Variants in CDH13 observed in about 807,000 individuals in gnomAD.
CDH13 encodes cadherin 13, also known as cadherin-13.
CDH13 carries 24 observed loss-of-function variants against 63.8 expected under a neutral mutation model. The ratio of observed to expected loss-of-function variants is 0.38; its 90% CI spans 0.27 to 0.53. The LOEUF (loss-of-function observed/expected upper bound fraction) is 0.53. Ranked by LOEUF, CDH13 falls within the 20% of genes least tolerant of loss-of-function variation. The pLI is 0.85. For missense variants in CDH13, 1,049 were observed against 903.1 expected (o/e 1.16, Z -2.07); for synonymous variants, 503 against 355.3 (o/e 1.42, Z -4.67).
chr16:83,567,172 C>G (rs1443502734), intron 7 of CDH13, among the ~76,000 whole-genome samples: 1 of 152,254 alleles, frequency 6.6e-6, no homozygotes, highest in African/African-American at 2.4e-5. Flanking sequence ...TTAGCTGCCA[C>G]TCTTCTGGGC....
At chr16:83,040,608 C>T (rs1002940217) in intron 3 of CDH13, among the ~76,000 whole-genome samples, 1 of 152,198 alleles carries the variant, frequency 6.6e-6, no homozygotes, top group Admixed American at 6.5e-5. Context: ...TTTATGCTGG[C>T]AGCTGATTAG....
At chr16:83,307,839 T>C (rs914202555) in intron 5 of CDH13, among the ~76,000 whole-genome samples, 2 of 152,220 alleles carry the variant, frequency 1.3e-5, no homozygotes, top group African/African-American at 4.8e-5. Flanking sequence ...GGAGTAATTA[T>C]TTGCCGGTAA....
chr16:83,026,228 T>G (rs930441644), intron 2 of CDH13, among the ~76,000 whole-genome samples: 1 of 152,222 alleles, frequency 6.6e-6, no homozygotes, highest in African/African-American at 2.4e-5. Context: ...GGGGGCCATG[T>G]TGGGGCAACT....
At chr16:83,001,038 A>C (rs771791281) in intron 2 of CDH13, among the ~76,000 whole-genome samples, 8 of 152,174 alleles carry the variant, frequency 5.3e-5, no homozygotes, top group Non-Finnish European at 8.8e-5. Flanking sequence ...CTCCTGAAAA[A>C]CACATAGAGC....
chr16:82,665,876 T>C lies in CDH13; in HGVS notation c.45+38739T>C, dbSNP rs150777722. Among the ~76,000 whole-genome samples the C allele has an allele frequency of 4.8e-3, 738 of 152,260 alleles. 6 individuals carry two copies. Among genetic ancestry groups the C allele is most frequent in the Non-Finnish European group, 5.7e-3 (388 of 68,006 alleles). On this transcript the variant is annotated intron_variant, in intron 1 of 13. Transcript: ENST00000567109. ...CAAAGCCCATTTTATAATGAAGTGT[T>C]GACTGTCTCATATAAGAGTATTGTA...
chr16:82,713,246 T>G (rs2032093976), intron 1 of CDH13, among the ~76,000 whole-genome samples: 1 of 152,146 alleles, frequency 6.6e-6, no homozygotes, highest in South Asian at 2.1e-4. Flanking sequence ...AAAGCAGGGT[T>G]CCTGGGTATG....
intron 3 of CDH13, among the ~76,000 whole-genome samples, chr16:83,039,556 C>T (rs151223734): frequency 2.4e-4 from 37 of 152,264 alleles, no homozygotes; most frequent in African/African-American, 8.7e-4. Flanking sequence ...TTAATGTCCG[C>T]CTTGGATGAA....
intron 6 of CDH13, among the ~76,000 whole-genome samples, chr16:83,359,581 T>C (rs2091123117): frequency 6.6e-6 from 1 of 152,184 alleles, no homozygotes; most frequent in Non-Finnish European, 1.5e-5. Flanking sequence ...CTCTACTGAA[T>C]TGGTGATAAT....
chr16:83,265,674 C>T (rs1438838208), intron 5 of CDH13, among the ~76,000 whole-genome samples: 2 of 144,866 alleles, frequency 1.4e-5, no homozygotes, highest in Admixed American at 6.9e-5. Context: ...ATATCATTTA[C>T]AGGTGTTTGG....
intron 2 of CDH13, among the ~76,000 whole-genome samples, chr16:82,981,314 G>C (rs905996312): frequency 6.6e-6 from 1 of 151,970 alleles, no homozygotes; most frequent in African/African-American, 2.4e-5. Flanking sequence ...CCTTTCCCCA[G>C]GTCTCCAGCT....
chr16:83,336,904 C>A (rs530566678), intron 5 of CDH13, among the ~76,000 whole-genome samples: 2 of 152,208 alleles, frequency 1.3e-5, no homozygotes, highest in South Asian at 4.1e-4. Context: ...ACCCAAGAAA[C>A]CTTGTAACAC....
intron 5 of CDH13, among the ~76,000 whole-genome samples, chr16:83,245,116 T>A (rs1192543481): frequency 4.8e-4 from 54 of 111,732 alleles, no homozygotes; most frequent in Non-Finnish European, 9.3e-4. Context: ...CTGGATAGTA[T>A]GCAAAAAAAA....
rs2041007841 is a variant in CDH13, at chr16:82,889,554, A to G, written c.157+31081A>G. The stretch of plus-strand genomic sequence containing the variant: ...TAGGATCTTATTAACAGCCAAAGCA[A>G]AGAGTACAATTTTTCCATGTATCTG... On this transcript the variant is annotated intron_variant, in intron 2 of 13. Coordinates refer to ENST00000567109, the MANE Select transcript of CDH13 (RefSeq NM_001257.5). 2.0e-5 allele frequency among the ~76,000 whole-genome samples: 3 copies of G among 152,328 alleles called. No individual in the cohort carries two copies. The South Asian group carries it at 6.2e-4, about 32-fold the overall frequency.
intron 1 of CDH13, among the ~76,000 whole-genome samples, chr16:82,804,294 C>CAA (rs1160225456): frequency 3.5e-5 from 5 of 144,200 alleles, no homozygotes; most frequent in African/African-American, 1.3e-4. Context: ...CACACACACA[C>CAA]ACACACACAC....
At position 83,152,901 on chromosome 16, in the gene CDH13, G is replaced by T. The variant is rs912933054; in HGVS notation, c.483+27400G>T. On this transcript the variant is annotated intron_variant, in intron 4 of 13. Transcript: ENST00000567109. ...AAAGGAAAAATACGGACATAGACACGCCCACAAAGAAAGAACACTGTGTGA... is the reference window on the plus strand; with the variant it reads ...AAAGGAAAAATACGGACATAGACACTCCCACAAAGAAAGAACACTGTGTGA... Among the ~76,000 whole-genome samples the T allele has an allele frequency of 2.6e-5, 4 of 152,046 alleles. No individual in the cohort carries two copies. The East Asian group carries it at 7.7e-4, about 29-fold the overall frequency.
At chr16:82,910,937 CAG>C (rs2041810253) in intron 2 of CDH13, among the ~76,000 whole-genome samples, 1 of 152,088 alleles carries the variant, frequency 6.6e-6, no homozygotes, top group Admixed American at 6.5e-5. Context: ...AAGAACATGA[CAG>C]GGGTTTCTTT....
intron 10 of CDH13, among the ~76,000 whole-genome samples, chr16:83,696,405 T>C (rs1905411685): frequency 6.6e-6 from 1 of 152,112 alleles, no homozygotes; most frequent in Non-Finnish European, 1.5e-5. Context: ...GGGGCTTCTT[T>C]TGAAATCTGT....
intron 1 of CDH13, among the ~76,000 whole-genome samples, chr16:82,672,768 T>TAC (rs58819198): frequency 0.21 from 30,607 of 144,370 alleles, 3,165 homozygotes; most frequent in Non-Finnish European, 0.24. Context: ...TATATATGTG[T>TAC]ACACACACAC....
intron 6 of CDH13, among the ~76,000 whole-genome samples, chr16:83,354,156 A>G (rs1204605988): frequency 6.6e-6 from 1 of 152,196 alleles, no homozygotes; most frequent in African/African-American, 2.4e-5. Context: ...GAGCAGCTGC[A>G]AAGCAAAAGT....
Sources: gnomAD v4.1 joint callset for allele counts (sites outside exome capture counted in the v4.1 genomes callset) on GRCh38, gnomAD v4.1.1 for gene constraint, MANE v1.5 for transcripts, NCBI Gene and HGNC (gene_info 2026-07-23, HGNC 2026-07-21) for gene names.